Variants in DDX47 observed in about 807,000 individuals in gnomAD.
DDX47 encodes probable ATP-dependent RNA helicase DDX47.
A neutral mutation model predicts 58.8 loss-of-function variants in DDX47; 60 were observed. That is an observed-to-expected ratio of 1.02 (90% confidence interval 0.83 to 1.26). DDX47 has a LOEUF of 1.26. Among genes scored for constraint, DDX47 ranks in the 50% most tolerant of loss-of-function variants. DDX47 has a pLI of 0.00. For missense variants in DDX47, 530 were observed against 573.2 expected (o/e 0.92, Z 0.77); for synonymous variants, 197 against 204.6 (o/e 0.96, Z 0.32).
chr12:12,821,137 T>C (rs1862963731), intron 2 of DDX47, 71 bp from the exon 3 acceptor site: 1 of 1,494,052 alleles, frequency 6.7e-7, no homozygotes, highest in Non-Finnish European at 9.3e-7. Context: ...GTGCCCAGCA[T>C]TGTGTCATTG....
rs1863104174 is a variant in DDX47 at position 12,829,736 on chromosome 12, A to T, written c.*182A>T. On this transcript the variant is annotated 3_prime_UTR_variant, in exon 12 of 12. Coordinates refer to ENST00000358007, the MANE Select transcript of DDX47 (RefSeq NM_016355.4). ...CTGCAGAGTAATTCTTACAGTGCTG[A>T]TGTCAAGACTGTTACTGTTCTTCGA... 1.6e-6 allele frequency: 1 copy of T among 621,656 alleles called. No individual in the cohort carries two copies. The highest frequency in any genetic ancestry group is 2.8e-5 in the South Asian group (1 of 35,998). The allele number at this position is 621,656 out of a possible 1,614,324, so 38.5% of individuals were successfully genotyped here. A position where few individuals can be genotyped will look rare whatever the true frequency, so the allele number is the denominator to read the frequency against.
At chr12:12,822,289 ATTTTC>A (rs1197513769) in intron 5 of DDX47, among the ~76,000 whole-genome samples, 1 of 152,044 alleles carries the variant, frequency 6.6e-6, no homozygotes, top group African/African-American at 2.4e-5. Flanking sequence ...TCAAAACCGG[ATTTTC>A]TTTTCCCTTT....
chr12:12,814,019 A>G (rs1222019706), intron 1 of DDX47, 112 bp from the exon 2 acceptor site: 1 of 763,944 alleles, frequency 1.3e-6, no homozygotes, highest in South Asian at 1.5e-5. Context: ...CACAGTAAAT[A>G]CCTTTTAAAT....
In DDX47 at chr12:12,813,372, C is replaced by A; in HGVS notation, c.5C>A (p.Ala2Glu). Residue 2 changes from alanine (A) to glutamate (E), a missense_variant, in exon 1 of 12, where the codon GCG (alanine) becomes GAG (glutamate). By Grantham distance (107) the Ala-to-Glu change is moderately radical (BLOSUM62 -1). Transcript: ENST00000358007. ...CTTCCGGAGACCTCACACAAGATGG[C>A]GGCACCCGAGGAACACGATTCTCCG... is the stretch of plus-strand genomic sequence containing the variant. M[A>E]APEEHDSPTE... 6.2e-7 allele frequency: 1 copy of A among 1,612,816 alleles called. No individual in the cohort carries two copies. Among genetic ancestry groups the A allele is most frequent in the Non-Finnish European group, 8.5e-7 (1 of 1,179,414 alleles).
chr12:12,821,629 T>G (rs778762116), intron 3 of DDX47, 26 bp from the exon 4 acceptor site: 16 of 1,607,684 alleles, frequency 1.0e-5, no homozygotes, highest in Non-Finnish European at 1.3e-5. Flanking sequence ...AAGGATCTCG[T>G]CTCTATGTTC....
intron 11 of DDX47, among the ~76,000 whole-genome samples, chr12:12,828,908 A>G (rs373869174): frequency 5.3e-4 from 81 of 152,378 alleles, no homozygotes; most frequent in East Asian, 3.5e-3. Flanking sequence ...CATCATGTGT[A>G]TGAAATACTT....
intron 1 of DDX47, 70 bp from the exon 2 acceptor site, chr12:12,814,061 C>T: frequency 1.1e-6 from 1 of 934,710 alleles, no homozygotes; most frequent in Non-Finnish European, 1.8e-6. Flanking sequence ...ATGGGTCTGA[C>T]AGTCAGTTAA....
At position 12,822,640 on chromosome 12, in the gene DDX47, CT is replaced by C. The variant is rs767785622; in HGVS notation, c.562-17del. On this transcript the variant is annotated intron_variant, in intron 5 of 11. Transcript: ENST00000358007. ...TCCAGTCTGAATATCATATTGGCAT[CT>C]TTTCCTCTTTGTGCTTTAGGTTGAC... The C allele has an allele frequency of 1.9e-5, 31 of 1,609,736 alleles. 1 individual carries two copies. The Admixed American group carries it at 5.2e-4, about 27-fold the overall frequency.
intron 11 of DDX47, among the ~76,000 whole-genome samples, chr12:12,827,838 T>C (rs187827581): frequency 1.9e-4 from 29 of 151,870 alleles, no homozygotes; most frequent in African/African-American, 6.0e-4. Flanking sequence ...ATCCAAAAAT[T>C]TGAAATCCAA....
At chr12:12,824,046 C>T in intron 8 of DDX47, 30 bp downstream of exon 8, 1 of 1,606,232 alleles carries the variant, frequency 6.2e-7, no homozygotes. Flanking sequence ...ATCAGCCATG[C>T]ACTGGTGGCG....
chr12:12,813,571 GT>G, intron 1 of DDX47, 117 bp downstream of exon 1: 2 of 967,808 alleles, frequency 2.1e-6, no homozygotes, highest in Non-Finnish European at 3.1e-6. Flanking sequence ...CCTAGCTTGG[GT>G]TTTCCCCAGA....
At chr12:12,826,272 T>C in intron 10 of DDX47, 1 of 428,376 alleles carries the variant, frequency 2.3e-6, no homozygotes, top group South Asian at 4.3e-5. Flanking sequence ...GTAAAAGATC[T>C]AGTATAGTAT....
chr12:12,829,714 C>T lies in DDX47; in HGVS notation c.*160C>T. 2 of 838,628 alleles carry T rather than the reference C, an allele frequency of 2.4e-6. No homozygotes were observed. The highest frequency in any genetic ancestry group is 1.7e-5 in the African/African-American group (1 of 57,708). The allele number at this position is 838,628 out of a possible 1,614,324, so 51.9% of individuals were successfully genotyped here. On this transcript the variant is annotated 3_prime_UTR_variant, in exon 12 of 12. Transcript: ENST00000358007. The stretch of plus-strand genomic sequence containing the variant: ...CCCCATTCTGGGTTGGAGTTTACTG[C>T]AGAGTAATTCTTACAGTGCTGATGT...
At chr12:12,828,285 T>C (rs756201767) in intron 11 of DDX47, among the ~76,000 whole-genome samples, 20 of 152,198 alleles carry the variant, frequency 1.3e-4, no homozygotes, top group Non-Finnish European at 2.2e-4. Flanking sequence ...AAAAATATGA[T>C]GTAAAATTAC....
rs1277681809 is a variant in DDX47 at position 12,823,918 on chromosome 12, A to T, written c.799A>T (p.Met267Leu). The T allele has an allele frequency of 2.5e-6, 4 of 1,614,120 alleles. No individual in the cohort carries two copies. Among genetic ancestry groups the T allele is most frequent in the Non-Finnish European group, 3.4e-6 (4 of 1,180,000 alleles). The part of the protein sequence containing the change: ...ILNELAGNSF[M>L]IFCSTCNNTQ... ...AAATGAATTGGCTGGAAACTCCTTT[A>T]TGATATTCTGCAGCACCTGTAATAA... The change falls in exon 8 of 12, where the codon ATG (methionine) becomes TTG (leucine). Residue 267 changes from methionine to leucine, a missense_variant. Coordinates refer to ENST00000358007, the MANE Select transcript of DDX47 (RefSeq NM_016355.4).
Position 12,824,528 on chromosome 12 carries a change from TC to T in DDX47, c.898-11del. The T allele has an allele frequency of 6.3e-7, 1 of 1,597,356 alleles. No individual in the cohort carries two copies. The highest frequency in any genetic ancestry group is 8.5e-7 in the Non-Finnish European group (1 of 1,175,914). The stretch of plus-strand genomic sequence containing the variant: ...GGTTAAGTTTTCCAACATTTCTTTT[TC>T]ATTACCTCAGAGTAAGCGCCTAGGA... On this transcript the variant is annotated splice_polypyrimidine_tract_variant and intron_variant, in intron 8 of 11. Coordinates refer to ENST00000358007, the MANE Select transcript of DDX47 (RefSeq NM_016355.4).
At chr12:12,814,277 C>A (rs1161511413) in intron 2 of DDX47, 53 bp downstream of exon 2, 2 of 1,136,010 alleles carry the variant, frequency 1.8e-6, no homozygotes, top group Non-Finnish European at 1.3e-6. Flanking sequence ...CAATTAGATA[C>A]CCCTTTTGAA....
intron 5 of DDX47, among the ~76,000 whole-genome samples, 154 bp from the exon 6 acceptor site, chr12:12,822,507 G>A (rs556332498): frequency 1.3e-5 from 2 of 152,122 alleles, no homozygotes; most frequent in East Asian, 1.9e-4. Context: ...TAAATATTCA[G>A]TAAACTTTAG....
chr12:12,818,510 G>C (rs1024394396), intron 2 of DDX47, among the ~76,000 whole-genome samples: 2 of 150,440 alleles, frequency 1.3e-5, no homozygotes, highest in Admixed American at 1.3e-4. Flanking sequence ...GACAGAGCAA[G>C]ACTCTGTCTA....
Sources: allele counts gnomAD v4.1 joint callset (sites outside exome capture counted in the v4.1 genomes callset), GRCh38; gene constraint gnomAD v4.1.1; transcripts MANE v1.5; gene names NCBI Gene and HGNC (gene_info 2026-07-23, HGNC 2026-07-21).